The following STK3 variants were observed in gnomAD, a reference collection of about 807,000 sequenced individuals.
STK3 encodes the protein serine/threonine-protein kinase 3.
Under a neutral mutation model 58.0 loss-of-function variants are expected in STK3, and 41 were observed. The ratio of observed to expected loss-of-function variants is 0.71; its 90% confidence interval spans 0.55 to 0.92. The LOEUF is 0.92. Among genes scored for constraint, STK3 ranks in the 40% least tolerant of loss-of-function variants. STK3 has a pLI of 0.00. For synonymous variants in STK3, 170 were observed against 191.0 expected (o/e 0.89, Z 0.91); for missense variants, 479 against 602.7 (o/e 0.79, Z 2.15).
chr8:98,722,886 G>T (rs149444105), intron 4 of STK3: 4 of 508,272 alleles, frequency 7.9e-6, no homozygotes, highest in African/African-American at 3.9e-5. Context: ...GGTAATGTAA[G>T]AATTCAGCTC....
intron 3 of STK3, among the ~76,000 whole-genome samples, chr8:98,851,834 A>G (rs1451729177): frequency 2.0e-5 from 3 of 152,076 alleles, no homozygotes; most frequent in Non-Finnish European, 4.4e-5. Flanking sequence ...ACATTTTTTT[A>G]AACAGTCAGG....
chr8:98,586,967 A>T (rs1427697147), intron 7 of STK3, among the ~76,000 whole-genome samples: 1 of 151,428 alleles, frequency 6.6e-6, no homozygotes, highest in Non-Finnish European at 1.5e-5. Flanking sequence ...TTTTTATTGC[A>T]TCTATTTGAT....
At chr8:98,488,787 T>C (rs148684973) in intron 10 of STK3, among the ~76,000 whole-genome samples, 22 of 152,316 alleles carry the variant, frequency 1.4e-4, no homozygotes, top group Middle Eastern at 3.4e-3. Context: ...TCCCCTAATA[T>C]CTATTCTACC....
chr8:98,682,389 T>G (rs976729104), intron 6 of STK3, among the ~76,000 whole-genome samples: 2 of 152,210 alleles, frequency 1.3e-5, no homozygotes, highest in African/African-American at 2.4e-5. Context: ...TTCTTTGATA[T>G]CATTCATTTG....
intron 1 of STK3, among the ~76,000 whole-genome samples, chr8:98,891,064 A>G (rs184555485): frequency 4.7e-4 from 72 of 152,362 alleles, no homozygotes; most frequent in African/African-American, 1.6e-3. Flanking sequence ...ACATTGTTGC[A>G]CAAGTGGAAA....
intron 6 of STK3, among the ~76,000 whole-genome samples, chr8:98,613,794 A>G (rs565786316): frequency 6.6e-5 from 10 of 152,138 alleles, no homozygotes; most frequent in Non-Finnish European, 1.3e-4. Flanking sequence ...TATATGTAGT[A>G]TATAAGAAAC....
intron 1 of STK3, among the ~76,000 whole-genome samples, chr8:98,920,903 C>T (rs1265317106): frequency 1.3e-5 from 2 of 152,236 alleles, no homozygotes; most frequent in Non-Finnish European, 2.9e-5. Context: ...ACAGGCATAC[C>T]TGTGAAACTA....
At chr8:98,874,601 A>G (rs1456548520) in intron 3 of STK3, among the ~76,000 whole-genome samples, 1 of 151,956 alleles carries the variant, frequency 6.6e-6, no homozygotes, top group Non-Finnish European at 1.5e-5. Context: ...ACATATATAT[A>G]TATGTGCTAT....
chr8:98,359,396 G>A, the STK3 span, among the ~76,000 whole-genome samples: 15 of 146,920 alleles, frequency 1.0e-4, no homozygotes, highest in South Asian at 2.0e-3. Context: ...ACTGGTGGGC[G>A]CCTGTAATCT....
rs148397479 is a variant in STK3 at position 98,835,520 on chromosome 8, T to A, written c.110+48127A>T. 1.0e-3 allele frequency among the ~76,000 whole-genome samples: 157 copies of A among 152,294 alleles called. No individual in the cohort carries two copies. The East Asian group carries it at 0.029, about 28-fold the overall frequency. ...CACATGTACCTTCATCAGCCTTTGG[T>A]TCCTGCAGTGCAGAGCAGCAACAGC... On this transcript the variant is annotated intron_variant, in intron 3 of 12. Coordinates refer to the STK3 transcript ENST00000523601.
At chr8:98,664,620 G>C (rs906927955) in intron 6 of STK3, among the ~76,000 whole-genome samples, 9 of 152,132 alleles carry the variant, frequency 5.9e-5, no homozygotes, top group Non-Finnish European at 1.3e-4. Flanking sequence ...CATCTTATAA[G>C]GTGTTCCCTT....
At chr8:98,432,897 G>C (rs1818358185) in intron 3 of STK3, 1 of 163,922 alleles carries the variant, frequency 6.1e-6, no homozygotes, top group Non-Finnish European at 1.5e-5. Context: ...CTCGATTCGG[G>C]AATGGGCAGT....
chr8:98,643,584 G>A (rs1297682720), intron 6 of STK3, among the ~76,000 whole-genome samples: 8 of 152,288 alleles, frequency 5.3e-5, no homozygotes, highest in African/African-American at 1.9e-4. Flanking sequence ...TTTTATGTAT[G>A]TGTTATATTT....
Position 98,930,216 on chromosome 8 carries a change from G to A in STK3, c.-79+12162C>T, listed in dbSNP as rs563242624. ...ACTACCCTGGGGAGGAGGGGAAGGC[G>A]GTTGTGGGGGGAATGGGAGGCCTAC... is the stretch of plus-strand genomic sequence containing the variant. On this transcript the variant is annotated intron_variant, in intron 1 of 1. Transcript: ENST00000519420. Among the ~76,000 whole-genome samples, 5 of 152,232 alleles carry A rather than the reference G, an allele frequency of 3.3e-5. No homozygotes were observed. In the South Asian group the frequency reaches 8.3e-4, roughly 25 times the overall value.
chr8:98,374,545 C>G (rs988520924), intron 2 of STK3, among the ~76,000 whole-genome samples: 2 of 152,228 alleles, frequency 1.3e-5, no homozygotes, highest in Non-Finnish European at 2.9e-5. Context: ...GCACTGTGTA[C>G]CTGGCTAAAC....
chr8:98,543,539 A>T (rs1810457316), intron 9 of STK3, among the ~76,000 whole-genome samples: 1 of 152,222 alleles, frequency 6.6e-6, no homozygotes, highest in Admixed American at 6.5e-5. Context: ...TGAAGGGTGA[A>T]GGAAGAAACG....
chr8:98,625,650 C>T (rs1037784811), intron 6 of STK3, among the ~76,000 whole-genome samples: 1 of 152,122 alleles, frequency 6.6e-6, no homozygotes, highest in Non-Finnish European at 1.5e-5. Flanking sequence ...CTTAAACCTC[C>T]CAAGTGTGTT....
At chr8:98,441,253 A>T (rs193025263) in intron 1 of STK3, among the ~76,000 whole-genome samples, 128 of 152,328 alleles carry the variant, frequency 8.4e-4, no homozygotes, top group Non-Finnish European at 1.3e-3. Flanking sequence ...CCTTTCTATG[A>T]ATAGACACAT....
At chr8:98,669,642 A>G (rs1399875486) in intron 6 of STK3, among the ~76,000 whole-genome samples, 1 of 152,182 alleles carries the variant, frequency 6.6e-6, no homozygotes, top group Admixed American at 6.5e-5. Flanking sequence ...ACAGATCGTC[A>G]AGGAAGTATC....
Sources: gnomAD v4.1 joint callset for allele counts (sites outside exome capture counted in the v4.1 genomes callset) on GRCh38, gnomAD v4.1.1 for gene constraint, MANE v1.5 for transcripts, NCBI Gene and HGNC (gene_info 2026-07-23, HGNC 2026-07-21) for gene names.